GOLM2: variants seen among roughly 807,000 people sequenced by gnomAD.
GOLM2 encodes the protein protein GOLM2.
A neutral mutation model predicts 55.9 loss-of-function variants in GOLM2; 26 were observed. The ratio of observed to expected loss-of-function variants is 0.47; its 90% CI spans 0.34 to 0.65. The LOEUF is 0.65. GOLM2 is among the 30% of genes least tolerant of loss of function. The pLI is 0.01. For missense variants in GOLM2, 486 were observed against 531.8 expected (o/e 0.91, Z 0.85); for synonymous variants, 165 against 194.6 (o/e 0.85, Z 1.27).
chr15:44,382,574 G>T (rs1040568350), intron 8 of GOLM2, among the ~76,000 whole-genome samples: 3 of 152,006 alleles, frequency 2.0e-5, no homozygotes, highest in Non-Finnish European at 4.4e-5. Flanking sequence ...TGATCCGCCC[G>T]CCTCGGCCTC....
intron 1 of GOLM2, among the ~76,000 whole-genome samples, chr15:44,306,534 A>G (rs1435423091): frequency 2.6e-5 from 4 of 152,230 alleles, no homozygotes; most frequent in Admixed American, 2.0e-4. Context: ...TGTGTTCACT[A>G]AAGTAACACT....
chr15:44,404,272 T>A (rs1013245358), intron 9 of GOLM2, among the ~76,000 whole-genome samples: 1 of 152,198 alleles, frequency 6.6e-6, no homozygotes, highest in Admixed American at 6.6e-5. Flanking sequence ...AAGCATTGTT[T>A]TTATAAAACC....
chr15:44,372,723 A>G (rs1412122744), intron 6 of GOLM2, among the ~76,000 whole-genome samples: 2 of 152,120 alleles, frequency 1.3e-5, no homozygotes, highest in African/African-American at 4.8e-5. Context: ...CCCAGCCCCC[A>G]GTTACCTCTG....
chr15:44,330,582 C>T (rs1178326345), intron 3 of GOLM2, among the ~76,000 whole-genome samples: 1 of 147,044 alleles, frequency 6.8e-6, no homozygotes, highest in Admixed American at 6.8e-5. Context: ...TTTCCCAAAA[C>T]TAGCTGGGTA....
chr15:44,352,455 CT>C (rs2079171034), intron 6 of GOLM2, among the ~76,000 whole-genome samples: 1 of 152,122 alleles, frequency 6.6e-6, no homozygotes, highest in African/African-American at 2.4e-5. Flanking sequence ...AAGACCTGAA[CT>C]ATGAAACTAC....
chr15:44,402,430 A>G (rs142057715), intron 8 of GOLM2, among the ~76,000 whole-genome samples: 12,243 of 149,034 alleles, frequency 0.082, 968 homozygotes, highest in East Asian at 0.2. Context: ...GAGCTCAAGC[A>G]ATCCACCTAC....
intron 8 of GOLM2, among the ~76,000 whole-genome samples, chr15:44,384,341 G>A (rs903038055): frequency 3.3e-5 from 5 of 152,038 alleles, no homozygotes; most frequent in Non-Finnish European, 5.9e-5. Flanking sequence ...GGCCAGGCGC[G>A]GTGGCTCATG....
intron 8 of GOLM2, among the ~76,000 whole-genome samples, chr15:44,396,134 C>T (rs541823451): frequency 5.9e-5 from 9 of 151,910 alleles, no homozygotes; most frequent in Non-Finnish European, 1.3e-4. Flanking sequence ...GTGGGCAGAT[C>T]ATTTGAAGTC....
intron 6 of GOLM2, among the ~76,000 whole-genome samples, chr15:44,362,348 AG>A (rs1316673358): frequency 6.6e-6 from 1 of 152,102 alleles, no homozygotes; most frequent in East Asian, 1.9e-4. Context: ...CAGCAGTCTC[AG>A]GATACAAAAT....
intron 4 of GOLM2, among the ~76,000 whole-genome samples, chr15:44,334,304 C>T (rs1182238842): frequency 6.6e-6 from 1 of 152,138 alleles, no homozygotes; most frequent in Non-Finnish European, 1.5e-5. Context: ...ACTACTATGG[C>T]AAGTTGGTTC....
chr15:44,365,276 C>T (rs985656268), intron 6 of GOLM2, among the ~76,000 whole-genome samples: 1 of 152,136 alleles, frequency 6.6e-6, no homozygotes, highest in African/African-American at 2.4e-5. Context: ...CCTGCAGTCC[C>T]AGCACATTGG....
chr15:44,320,301 T>TA (rs1394240733), intron 1 of GOLM2, among the ~76,000 whole-genome samples: 6 of 152,120 alleles, frequency 3.9e-5, no homozygotes, highest in Non-Finnish European at 2.9e-5. Context: ...TATATTTCAT[T>TA]ATTTATTTAT....
At chr15:44,336,550 T>G (rs2079058165) in intron 4 of GOLM2, among the ~76,000 whole-genome samples, 2 of 152,226 alleles carry the variant, frequency 1.3e-5, no homozygotes, top group African/African-American at 4.8e-5. Context: ...TGATTTTACT[T>G]GCCAGGACAC....
intron 8 of GOLM2, among the ~76,000 whole-genome samples, chr15:44,391,261 TC>T (rs943221881): frequency 1.3e-5 from 2 of 151,920 alleles, no homozygotes; most frequent in African/African-American, 4.8e-5. Flanking sequence ...ACACCTGTAA[TC>T]CCAGCACTTT....
chr15:44,369,706 A>G (rs901756166), intron 6 of GOLM2, among the ~76,000 whole-genome samples: 83 of 150,554 alleles, frequency 5.5e-4, no homozygotes, highest in Non-Finnish European at 2.7e-4. Flanking sequence ...ACACACACAC[A>G]CACACACACA....
chr15:44,388,568 G>A (rs1296766632), intron 8 of GOLM2, among the ~76,000 whole-genome samples: 2 of 151,844 alleles, frequency 1.3e-5, no homozygotes, highest in Admixed American at 6.6e-5. Flanking sequence ...CACCTCCTTG[G>A]GTGGCTGAGT....
At chr15:44,351,512 G>A (rs1052923919) in intron 6 of GOLM2, among the ~76,000 whole-genome samples, 1 of 146,806 alleles carries the variant, frequency 6.8e-6, no homozygotes, top group Admixed American at 7.0e-5. Flanking sequence ...GGGAGGCACA[G>A]CTTGCAGTGA....
chr15:44,383,541 C>G (rs1351018051), intron 8 of GOLM2, among the ~76,000 whole-genome samples: 1 of 151,408 alleles, frequency 6.6e-6, no homozygotes, highest in African/African-American at 2.4e-5. Flanking sequence ...TTCTGGTGGC[C>G]TATATTTATG....
At chr15:44,401,300 T>C (rs1016645064) in intron 8 of GOLM2, among the ~76,000 whole-genome samples, 4 of 152,018 alleles carry the variant, frequency 2.6e-5, no homozygotes, top group Admixed American at 2.6e-4. Flanking sequence ...GGTCTCACTC[T>C]GTCACCCAGG....
Sources: gnomAD v4.1 joint callset for allele counts (sites outside exome capture counted in the v4.1 genomes callset) on GRCh38, gnomAD v4.1.1 for gene constraint, MANE v1.5 for transcripts, NCBI Gene and HGNC (gene_info 2026-07-23, HGNC 2026-07-21) for gene names.